Variants in GTPBP4 observed in about 807,000 individuals in gnomAD.
GTPBP4 encodes the protein GTP-binding protein 4.
A neutral mutation model predicts 81.7 loss-of-function variants in GTPBP4; 15 were observed. The observed-to-expected ratio is 0.18, with a 90% CI of 0.12 to 0.28. The LOEUF is 0.28. GTPBP4 is among the 10% of genes least tolerant of loss of function. The pLI is 1.00. For synonymous variants in GTPBP4, 272 were observed against 274.6 expected, an observed-to-expected ratio of 0.99 and a Z score of 0.09; for missense variants, 847 against 793.8, an observed-to-expected ratio of 1.07 and a Z score of -0.81.
chr10:1,008,982 G>A lies in GTPBP4; in HGVS notation c.1138G>A (p.Gly380Arg). 1.2e-6 allele frequency: 2 copies of A among 1,612,492 alleles called. No homozygotes were observed. Among genetic ancestry groups the A allele is most frequent in the Non-Finnish European group, 1.7e-6 (2 of 1,178,482 alleles). The change falls in exon 11 of 17, where the codon GGA becomes AGA. Residue 380 changes from glycine (G) to arginine (R), a missense_variant. Physicochemically the swap from Gly to Arg is moderately radical, Grantham distance 125. Transcript: ENST00000360803. ...DKERPPFIPEGVVARRKRMET... is the reference protein window; with the variant it reads ...DKERPPFIPERVVARRKRMET... ...GGAGAGGCCCCCTTTCATCCCTGAA[G>A]GAGTGGTGGCTCGCAGGAAGAGGAT... is the stretch of plus-strand genomic sequence containing the variant.
In GTPBP4 at chr10:997,232, C is replaced by A; in HGVS notation, c.485C>A (p.Pro162Gln). 1 of 1,603,394 alleles carries A rather than the reference C, an allele frequency of 6.2e-7. No homozygotes were observed. The highest frequency in any genetic ancestry group is 8.5e-7 in the Non-Finnish European group (1 of 1,170,240). Residue 162 changes from proline (P) to glutamine (Q), a missense_variant, in exon 5 of 17, where the codon CCA becomes CAA. Physicochemically the swap from Pro to Gln is moderately conservative, Grantham distance 76. Coordinates refer to ENST00000360803, the MANE Select transcript of GTPBP4 (RefSeq NM_012341.3). ...GTGCGTCAGCATTTATCCCGTTTGC[C>A]AACCATTGATCCGAATACCAGGACC... is the stretch of plus-strand genomic sequence containing the variant. ...EQVRQHLSRLPTIDPNTRTLL... is the reference protein window; with the variant it reads ...EQVRQHLSRLQTIDPNTRTLL...
intron 2 of GTPBP4, among the ~76,000 whole-genome samples, chr10:992,992 A>G (rs1400992398): frequency 2.0e-5 from 3 of 152,168 alleles, no homozygotes; most frequent in South Asian, 2.1e-4. Flanking sequence ...CACAGAAGCT[A>G]GCAGCTCACT....
intron 14 of GTPBP4, 91 bp from the exon 15 acceptor site, chr10:1,014,156 C>A: frequency 1.4e-6 from 1 of 740,358 alleles, no homozygotes; most frequent in Non-Finnish European, 2.3e-6. Context: ...ATAATTGTTG[C>A]AAAATATGTA....
rs773282249 is a variant in GTPBP4, at chr10:999,017, C to A, written c.576C>A (p.Asp192Glu). 1 of 1,598,456 alleles carries A rather than the reference C, an allele frequency of 6.3e-7. No individual in the cohort carries two copies. Among genetic ancestry groups the A allele is most frequent in the South Asian group, 1.1e-5 (1 of 90,762 alleles). The change falls in exon 6 of 17, where the codon GAC becomes GAA. Residue 192 changes from aspartate to glutamate, a missense_variant. Transcript: ENST00000360803. ...ACTTGTTCCAGGTGACGAGAGCAGA[C>A]GTGGATGTCCAGCCCTATGCGTTCA... ...SSFINKVTRA[D>E]VDVQPYAFTT...
chr10:1,019,718 C>T lies in GTPBP4; in HGVS notation c.*2491C>T, dbSNP rs200190161. 88 of 1,613,854 alleles carry T rather than the reference C, an allele frequency of 5.5e-5. 2 individuals are homozygous for T. The highest frequency in any genetic ancestry group is 2.2e-4 in the Admixed American group (13 of 59,964). ...TTTTCGTTTCACTGGGATCCGGGTT[C>T]AGAGTGACGTTTTTCCTCACAAGCA... On this transcript the variant is annotated 3_prime_UTR_variant, in exon 17 of 17. Coordinates refer to ENST00000360803, the MANE Select transcript of GTPBP4 (RefSeq NM_012341.3).
rs377262232 is a variant in GTPBP4, at chr10:998,559, G to A, written c.562-444G>A. On this transcript the variant is annotated intron_variant, in intron 5 of 16. Coordinates refer to ENST00000360803, the MANE Select transcript of GTPBP4 (RefSeq NM_012341.3). Reference sequence around the variant, plus strand: ...AGCTCTGAGCCAGTGCTCTGTGGCCGATTTGGTGGCCACTGCACTGGGTGG... The same window carrying A: ...AGCTCTGAGCCAGTGCTCTGTGGCCAATTTGGTGGCCACTGCACTGGGTGG... Among the ~76,000 whole-genome samples the A allele has an allele frequency of 8.5e-5, 13 of 152,218 alleles. No homozygotes were observed. In the East Asian group the frequency reaches 1.5e-3, roughly 18 times the overall value.
At chr10:988,676 G>T in intron 1 of GTPBP4, 149 bp downstream of exon 1, 2 of 635,994 alleles carry the variant, frequency 3.1e-6, no homozygotes, top group Admixed American at 2.6e-5. Flanking sequence ...CGCGTACTCG[G>T]GATCATTTCC....
intron 10 of GTPBP4, chr10:1,008,328 C>G (rs1831786376): frequency 8.1e-6 from 3 of 370,348 alleles, no homozygotes; most frequent in Non-Finnish European, 1.6e-5. Context: ...TCGTTTGAAC[C>G]TGGGAGGTGG....
intron 11 of GTPBP4, 40 bp downstream of exon 11, chr10:1,009,075 G>T: frequency 6.9e-7 from 1 of 1,448,970 alleles, no homozygotes; most frequent in Non-Finnish European, 9.7e-7. Context: ...CTCATGGGGG[G>T]AGGCAGGCTG....
intron 10 of GTPBP4, chr10:1,008,081 A>T (rs1273770877): frequency 2.2e-6 from 1 of 456,508 alleles, no homozygotes; most frequent in East Asian, 6.9e-5. Context: ...TGCATTGTAC[A>T]TAGAAAGGCT....
In GTPBP4 at chr10:1,019,872, T is replaced by A; in HGVS notation, c.*2645T>A. The A allele has an allele frequency of 7.3e-7, 1 of 1,369,556 alleles. No individual in the cohort carries two copies. Among genetic ancestry groups the A allele is most frequent in the Non-Finnish European group, 1.0e-6 (1 of 964,806 alleles). The allele number at this position is 1,369,556 out of a possible 1,614,324, so 84.8% of individuals were successfully genotyped here. A position where few individuals can be genotyped will look rare whatever the true frequency, so the allele number is the denominator to read the frequency against. On this transcript the variant is annotated 3_prime_UTR_variant, in exon 17 of 17. Coordinates refer to ENST00000360803, the MANE Select transcript of GTPBP4 (RefSeq NM_012341.3). ...ATTGGTGCAGTGTTAACAACGCTAA[T>A]GTAAAACACAGAATTTACAGAAAAA...
chr10:1,002,426 C>G (rs1207567675), intron 8 of GTPBP4, among the ~76,000 whole-genome samples: 1 of 152,136 alleles, frequency 6.6e-6, no homozygotes, highest in African/African-American at 2.4e-5. Context: ...TTTTAGTTTC[C>G]ATCTGCGTAG....
intron 8 of GTPBP4, among the ~76,000 whole-genome samples, chr10:1,001,286 T>A (rs11253560): frequency 2.0e-5 from 3 of 152,152 alleles, no homozygotes; most frequent in Non-Finnish European, 4.4e-5. Context: ...ATGTGATTAC[T>A]TAGGAGAGAA....
At chr10:1,005,207 G>T (rs754530806) in intron 8 of GTPBP4, among the ~76,000 whole-genome samples, 1 of 152,086 alleles carries the variant, frequency 6.6e-6, no homozygotes, top group South Asian at 2.1e-4. Context: ...GTGCAGTGGC[G>T]TGATCTCTGC....
rs1831462615 is a variant in GTPBP4 at position 992,472 on chromosome 10, A to T, written c.49-17A>T. 2 of 1,510,928 alleles carry T rather than the reference A, an allele frequency of 1.3e-6. No individual in the cohort carries two copies. The highest frequency in any genetic ancestry group is 1.8e-6 in the Non-Finnish European group (2 of 1,094,732). 93.6% of individuals were successfully genotyped at this position (1,510,928 alleles called of 1,614,324 possible). On this transcript the variant is annotated splice_polypyrimidine_tract_variant and intron_variant, in intron 1 of 16. Coordinates refer to ENST00000360803, the MANE Select transcript of GTPBP4 (RefSeq NM_012341.3). ...GACCCTTTTGATGTAATTATGTTTT[A>T]TTTTCTTTAATTGCAGGACTTCATA...
chr10:1,008,255 CT>C lies in GTPBP4; in HGVS notation c.1114-702del, dbSNP rs1831784084. On this transcript the variant is annotated intron_variant, in intron 10 of 16. Transcript: ENST00000360803. ...TGGTGAAACCCCATCTCTGCTAAAA[CT>C]ACGAAAATTAGTCGGGCGCGCACCT... The C allele has an allele frequency of 3.4e-5, 14 of 410,910 alleles. No individual in the cohort carries two copies. The Admixed American group carries it at 4.4e-4, about 13-fold the overall frequency. 25.5% of individuals were successfully genotyped at this position (410,910 alleles called of 1,614,324 possible).
chr10:1,005,883 A>G lies in GTPBP4; in HGVS notation c.978A>G (p.Glu326=). ...PVIETSTLTE[E]GVIKVKTEAC... ...TAGAGACCAGCACCCTGACTGAGGA[A>G]GGTGTTATTAAAGTTAAAACAGAGG... Residue 326 remains glutamate (E), a synonymous_variant, in exon 9 of 17, where the codon GAA becomes GAG. Transcript: ENST00000360803. The G allele has an allele frequency of 6.3e-7, 1 of 1,584,774 alleles. No individual in the cohort carries two copies. Among genetic ancestry groups the G allele is most frequent in the Non-Finnish European group, 8.6e-7 (1 of 1,160,022 alleles).
chr10:1,000,560 C>A, intron 6 of GTPBP4, 117 bp from the exon 7 acceptor site: 1 of 470,774 alleles, frequency 2.1e-6, no homozygotes, highest in Non-Finnish European at 3.6e-6. Flanking sequence ...TTTTTAACTA[C>A]AATTCTGCTG....
chr10:1,005,751 G>A, intron 8 of GTPBP4, 67 bp from the exon 9 acceptor site: 1 of 899,224 alleles, frequency 1.1e-6, no homozygotes, highest in Admixed American at 1.7e-5. Flanking sequence ...TTGCAGAACT[G>A]TACAGTTTGT....
Sources: allele counts gnomAD v4.1 joint callset (sites outside exome capture counted in the v4.1 genomes callset), GRCh38; gene constraint gnomAD v4.1.1; transcripts MANE v1.5; gene names NCBI Gene and HGNC (gene_info 2026-07-23, HGNC 2026-07-21).